Variants in ZNF385D observed in about 807,000 individuals in gnomAD.
The protein encoded by ZNF385D is zinc finger protein 659.
ZNF385D carries 15 observed loss-of-function variants against 35.8 expected under a neutral mutation model. That is an observed-to-expected ratio of 0.42 (90% confidence interval 0.28 to 0.64). ZNF385D has a LOEUF of 0.64. ZNF385D is among the 30% of genes least tolerant of loss of function. The pLI, the probability that ZNF385D is intolerant of heterozygous loss-of-function variation, is 0.23. For synonymous variants in ZNF385D, 212 were observed against 186.8 expected (o/e 1.13, Z -1.10); for missense variants, 474 against 494.6 (o/e 0.96, Z 0.39).
At chr3:21,528,273 T>A (rs1239041793) in intron 3 of ZNF385D, among the ~76,000 whole-genome samples, 6 of 151,414 alleles carry the variant, frequency 4.0e-5, no homozygotes, top group Non-Finnish European at 7.4e-5. Flanking sequence ...GAAAAAAAAA[T>A]GTAAAATATG....
At chr3:21,968,525 G>A (rs1310995825) in intron 3 of ZNF385D, among the ~76,000 whole-genome samples, 3 of 152,072 alleles carry the variant, frequency 2.0e-5, no homozygotes, top group Non-Finnish European at 4.4e-5. Context: ...CTGAGGAGAG[G>A]AGAGGAGAGA....
At chr3:22,349,332 A>G (rs1695810276) in intron 2 of ZNF385D, among the ~76,000 whole-genome samples, 1 of 152,186 alleles carries the variant, frequency 6.6e-6, no homozygotes, top group African/African-American at 2.4e-5. Context: ...CACTGTCACA[A>G]TGTGAATAGT....
intron 3 of ZNF385D, among the ~76,000 whole-genome samples, chr3:21,980,491 C>G (rs1035763125): frequency 6.6e-6 from 1 of 152,102 alleles, no homozygotes; most frequent in African/African-American, 2.4e-5. Flanking sequence ...ACTTATAAAA[C>G]ACAACAACTC....
At chr3:21,696,754 C>T (rs1015798259) in intron 1 of ZNF385D, among the ~76,000 whole-genome samples, 1 of 152,172 alleles carries the variant, frequency 6.6e-6, no homozygotes, top group African/African-American at 2.4e-5. Context: ...CAAAACAGTG[C>T]TTTATTGTGG....
At chr3:21,833,757 C>A (rs1559671986) in intron 3 of ZNF385D, among the ~76,000 whole-genome samples, 1 of 152,226 alleles carries the variant, frequency 6.6e-6, no homozygotes, top group East Asian at 1.9e-4. Flanking sequence ...AGGACAATAA[C>A]CCAATCAATT....
intron 3 of ZNF385D, among the ~76,000 whole-genome samples, chr3:22,137,375 G>A (rs1001445393): frequency 2.0e-5 from 3 of 152,034 alleles, no homozygotes; most frequent in Non-Finnish European, 4.4e-5. Context: ...CAAAAAAAGA[G>A]AATTTTAGAC....
rs7640962 is a variant in ZNF385D at position 22,259,953 on chromosome 3, A to G, written c.107-90918T>C. Among the ~76,000 whole-genome samples the G allele has an allele frequency of 6.3e-3, 951 of 152,118 alleles. 4 individuals are homozygous for G. Among genetic ancestry groups the G allele is most frequent in the African/African-American group, 0.022 (914 of 41,550 alleles). ...TACTTTCAATAACCTCAAAATGTAC[A>G]TAAAAGAGAAAAGGATTGTTAGGAC... On this transcript the variant is annotated intron_variant, in intron 2 of 5. Coordinates refer to the ZNF385D transcript ENST00000494108.
intron 2 of ZNF385D, among the ~76,000 whole-genome samples, chr3:22,202,636 A>G (rs1696875569): frequency 6.6e-6 from 1 of 152,110 alleles, no homozygotes; most frequent in South Asian, 2.1e-4. Context: ...CTATCTTTGA[A>G]AGAGGAACTG....
At chr3:22,238,643 C>G (rs1324154359) in intron 2 of ZNF385D, among the ~76,000 whole-genome samples, 2 of 150,842 alleles carry the variant, frequency 1.3e-5, no homozygotes, top group African/African-American at 4.9e-5. Context: ...TTTTATCCTT[C>G]AATCTTACAG....
intron 3 of ZNF385D, among the ~76,000 whole-genome samples, chr3:21,907,405 A>T (rs1236718366): frequency 6.6e-6 from 1 of 152,152 alleles, no homozygotes; most frequent in Non-Finnish European, 1.5e-5. Context: ...TGTATAATAA[A>T]ATCCATTTTC....
intron 3 of ZNF385D, among the ~76,000 whole-genome samples, chr3:22,132,108 A>T (rs993422445): frequency 3.3e-5 from 5 of 152,176 alleles, no homozygotes; most frequent in African/African-American, 1.2e-4. Context: ...TAGTGGTGCT[A>T]TGGTCTGAAT....
chr3:22,118,985 A>C (rs1380488966), intron 3 of ZNF385D, among the ~76,000 whole-genome samples: 2 of 152,122 alleles, frequency 1.3e-5, no homozygotes, highest in African/African-American at 2.4e-5. Context: ...GACATAAGAA[A>C]CTATCACCTG....
chr3:21,804,772 TTAAG>T (rs982959480), intron 3 of ZNF385D, among the ~76,000 whole-genome samples: 1 of 93,392 alleles, frequency 1.1e-5, no homozygotes, highest in African/African-American at 4.6e-5. Context: ...GTCAGAGAGG[TTAAG>T]TAATTTGTTC....
intron 3 of ZNF385D, among the ~76,000 whole-genome samples, chr3:22,147,415 G>T (rs1451374639): frequency 1.3e-5 from 2 of 152,080 alleles, no homozygotes; most frequent in Non-Finnish European, 2.9e-5. Context: ...TTCCACGAAT[G>T]CTATCCTGAG....
At chr3:21,648,222 C>T (rs1030264603) in intron 2 of ZNF385D, among the ~76,000 whole-genome samples, 9 of 152,090 alleles carry the variant, frequency 5.9e-5, no homozygotes, top group African/African-American at 9.7e-5. Context: ...ATAGTGAGTT[C>T]TCATGAGATC....
chr3:21,838,671 G>T (rs1477640078), intron 3 of ZNF385D, among the ~76,000 whole-genome samples: 2 of 152,036 alleles, frequency 1.3e-5, no homozygotes, highest in African/African-American at 4.8e-5. Context: ...CATCTATGAT[G>T]CTCAAATGAG....
At chr3:22,355,605 T>TAAAGAAGAATTCCAAAA (rs1559538240) in intron 2 of ZNF385D, among the ~76,000 whole-genome samples, 1 of 151,482 alleles carries the variant, frequency 6.6e-6, no homozygotes. Flanking sequence ...TTCCAAGAAA[T>TAAAGAAGAATTCCAAAA]AAAGGAAGAA....
intron 3 of ZNF385D, among the ~76,000 whole-genome samples, chr3:21,759,001 A>AAAAAAAAAAAAAAAAAAC (rs1559593528): frequency 7.5e-6 from 1 of 133,144 alleles, no homozygotes. Context: ...AAAAAAAAAA[A>AAAAAAAAAAAAAAAAAAC]AAAAACAGTG....
intron 3 of ZNF385D, among the ~76,000 whole-genome samples, chr3:21,991,937 T>C (rs1449703200): frequency 6.6e-6 from 1 of 152,194 alleles, no homozygotes; most frequent in African/African-American, 2.4e-5. Flanking sequence ...AATTATGCAC[T>C]CCATGGCCAG....
Sources: gnomAD v4.1 joint callset for allele counts (sites outside exome capture counted in the v4.1 genomes callset) on GRCh38, gnomAD v4.1.1 for gene constraint, MANE v1.5 for transcripts, NCBI Gene and HGNC (gene_info 2026-07-23, HGNC 2026-07-21) for gene names.